The following CACNA1A variants were observed in gnomAD, a reference collection of about 807,000 sequenced individuals.
The protein encoded by CACNA1A is calcium voltage-gated channel subunit alpha1 A, also known as voltage-dependent P/Q-type calcium channel subunit alpha-1A.
In CACNA1A, 57 loss-of-function variants were observed where a neutral mutation model predicts 262.4. The ratio of observed to expected loss-of-function variants is 0.22; its 90% CI spans 0.18 to 0.27. The LOEUF (loss-of-function observed/expected upper bound fraction) is 0.27, where lower values mean the gene tolerates loss of function less well. CACNA1A is among the 10% of genes least tolerant of loss of function. CACNA1A has a pLI of 1.00. For missense variants in CACNA1A, 2,526 were observed against 3,562.8 expected, an observed-to-expected ratio of 0.71 and a Z score of 7.41; for synonymous variants, 1,431 against 1,419.3, an observed-to-expected ratio of 1.01 and a Z score of -0.18.
At chr19:13,400,023 A>G (rs1349468989) in intron 3 of CACNA1A, among the ~76,000 whole-genome samples, 2 of 152,190 alleles carry the variant, frequency 1.3e-5, no homozygotes, top group Admixed American at 1.3e-4. Context: ...ATACCTACGC[A>G]GTGTTGCAAA....
intron 2 of CACNA1A, among the ~76,000 whole-genome samples, chr19:13,453,781 C>G (rs1037353444): frequency 1.3e-5 from 2 of 152,174 alleles, no homozygotes; most frequent in Admixed American, 1.3e-4. Flanking sequence ...GTTTCTCGAG[C>G]TACAATCATT....
intron 3 of CACNA1A, among the ~76,000 whole-genome samples, chr19:13,424,840 T>C (rs559113286): frequency 1.3e-4 from 20 of 152,160 alleles, no homozygotes; most frequent in East Asian, 7.7e-4. Context: ...AGTCTCGTCC[T>C]GTCACCCAGG....
At chr19:13,348,238 T>A (rs1182720951) in intron 6 of CACNA1A, among the ~76,000 whole-genome samples, 1 of 152,154 alleles carries the variant, frequency 6.6e-6, no homozygotes, top group Non-Finnish European at 1.5e-5. Context: ...CATGCATTTA[T>A]GATCACAAAT....
At chr19:13,358,536 C>T (rs1247291578) in intron 6 of CACNA1A, among the ~76,000 whole-genome samples, 2 of 152,282 alleles carry the variant, frequency 1.3e-5, no homozygotes, top group East Asian at 1.9e-4. Context: ...AATGCTACTC[C>T]TTGGGATAAG....
intron 10 of CACNA1A, among the ~76,000 whole-genome samples, chr19:13,325,194 TTC>T (rs1430302600): frequency 2.9e-3 from 328 of 111,212 alleles, no homozygotes; most frequent in East Asian, 0.016. Flanking sequence ...CTTCTTCTTC[TTC>T]TTTTTTTTTT....
chr19:13,438,927 C>T (rs541996323), intron 3 of CACNA1A, among the ~76,000 whole-genome samples: 3 of 151,978 alleles, frequency 2.0e-5, no homozygotes, highest in Non-Finnish European at 2.9e-5. Flanking sequence ...TTAGCAGAGA[C>T]GGGATTTCAC....
intron 3 of CACNA1A, among the ~76,000 whole-genome samples, chr19:13,407,733 G>A (rs1437192658): frequency 2.6e-5 from 4 of 152,174 alleles, no homozygotes; most frequent in African/African-American, 9.7e-5. Flanking sequence ...GTTCACGTCT[G>A]TAATCCTAGC....
chr19:13,427,942 G>GTTTTTTTTTTTTTTTTTTTT (rs1311890494), intron 3 of CACNA1A, among the ~76,000 whole-genome samples: 1 of 151,052 alleles, frequency 6.6e-6, no homozygotes, highest in African/African-American at 2.5e-5. Context: ...ATAATAACAG[G>GTTTTTTTTTTTTTTTTTTTT]TTGTTTTTTT....
chr19:13,298,131 C>A (rs1176527645), intron 19 of CACNA1A, among the ~76,000 whole-genome samples: 1 of 130,002 alleles, frequency 7.7e-6, no homozygotes, highest in Non-Finnish European at 1.6e-5. Flanking sequence ...CCAAATACAG[C>A]ACTTTTTTTT....
intron 30 of CACNA1A, among the ~76,000 whole-genome samples, chr19:13,249,382 G>T (rs1051512756): frequency 6.6e-6 from 1 of 152,024 alleles, no homozygotes; most frequent in South Asian, 2.1e-4. Context: ...TTGATACAGG[G>T]TCTTGCTCTG....
chr19:13,269,791 C>G (rs1487559890), intron 24 of CACNA1A, among the ~76,000 whole-genome samples: 2 of 152,190 alleles, frequency 1.3e-5, no homozygotes, highest in African/African-American at 2.4e-5. Context: ...CACACACACA[C>G]AGATATTTGG....
chr19:13,371,810 A>G (rs1292865824), intron 3 of CACNA1A, 31 bp from the exon 4 acceptor site: 8 of 1,511,634 alleles, frequency 5.3e-6, no homozygotes, highest in Non-Finnish European at 7.2e-6. Flanking sequence ...TGGAGAACAG[A>G]GGGTGGGTTT....
intron 3 of CACNA1A, among the ~76,000 whole-genome samples, chr19:13,449,549 A>C (rs1413596371): frequency 6.6e-6 from 1 of 152,158 alleles, no homozygotes; most frequent in Non-Finnish European, 1.5e-5. Flanking sequence ...GGCCTAAAGT[A>C]ATCCTTCCAT....
intron 30 of CACNA1A, among the ~76,000 whole-genome samples, chr19:13,247,713 A>AATAAATAAAT (rs1555741538): frequency 2.0e-5 from 3 of 146,710 alleles, no homozygotes; most frequent in East Asian, 2.0e-4. Flanking sequence ...TAAATAAATA[A>AATAAATAAAT]AAATAAATAA....
Position 13,214,661 on chromosome 19 carries a change from C to T in CACNA1A, c.5732-53G>A, listed in dbSNP as rs2054934171. 4.2e-6 allele frequency: 6 copies of T among 1,416,806 alleles called. No individual in the cohort carries two copies. In the East Asian group the frequency reaches 1.4e-4, roughly 33 times the overall value. The allele number at this position is 1,416,806 out of a possible 1,614,324, so 87.8% of individuals were successfully genotyped here. The stretch of plus-strand genomic sequence containing the variant: ...ACTGCCTGCCTGGGTGTCAGCTGGA[C>T]TCTGGGTCAGCTGCAAAGCCATAGG... On this transcript the variant is annotated intron_variant, in intron 38 of 46. Transcript: ENST00000360228. This position sits in a 1 kb window ranked among gnomAD's most constrained non-coding sequence, Gnocchi z 4.1.
At position 13,299,107 on chromosome 19, in the gene CACNA1A, C is replaced by G; in HGVS notation, c.2526G>C (p.Glu842Asp). 6.2e-7 allele frequency: 1 copy of G among 1,612,228 alleles called. No homozygotes were observed. Among genetic ancestry groups the G allele is most frequent in the Non-Finnish European group, 8.5e-7 (1 of 1,179,688 alleles). Residue 842 changes from glutamate to aspartate, a missense_variant, in exon 19 of 47, where the codon GAG becomes GAC. Transcript: ENST00000360228. Reference sequence around the variant, plus strand: ...GGCCGAGGCGCTGGTCCACGGTGGGCTCGGCCGCCCGGCTCTTGTTGGTGT... The same window carrying G: ...GGCCGAGGCGCTGGTCCACGGTGGGGTCGGCCGCCCGGCTCTTGTTGGTGT... ...NNNTNKSRAA[E>D]PTVDQRLGQQ...
chr19:13,455,084 C>G, intron 2 of CACNA1A, 23 bp downstream of exon 2: 1 of 1,449,080 alleles, frequency 6.9e-7, no homozygotes, highest in Non-Finnish European at 9.7e-7. Flanking sequence ...AAGGAGAAGA[C>G]CCTGAGAAAA....
At chr19:13,456,014 G>A (rs904467318) in intron 1 of CACNA1A, among the ~76,000 whole-genome samples, 3 of 151,820 alleles carry the variant, frequency 2.0e-5, no homozygotes, top group African/African-American at 7.3e-5. Flanking sequence ...GCCAGGCGTG[G>A]TGGTACACAC....
chr19:13,411,356 C>T (rs4433936), intron 3 of CACNA1A, among the ~76,000 whole-genome samples: 49,529 of 151,962 alleles, frequency 0.33, 10,866 homozygotes, highest in African/African-American at 0.61. Context: ...GTGTCAAGGG[C>T]GGCGCCAGGT....
Sources: gnomAD v4.1 joint callset for allele counts (sites outside exome capture counted in the v4.1 genomes callset) on GRCh38, gnomAD v4.1.1 for gene constraint, Gnocchi (gnomAD v3.1) non-coding constraint, MANE v1.5 for transcripts, NCBI Gene and HGNC (gene_info 2026-07-23, HGNC 2026-07-21) for gene names.